Variants in PACSIN1 observed in about 807,000 individuals in gnomAD.
PACSIN1 encodes the protein protein kinase C and casein kinase substrate in neurons 1.
A neutral mutation model predicts 59.5 loss-of-function variants in PACSIN1; 15 were observed. The observed-to-expected ratio is 0.25, with a 90% CI of 0.17 to 0.39. PACSIN1 has a LOEUF of 0.39. Ranked by LOEUF, PACSIN1 falls within the 10% of genes least tolerant of loss-of-function variation. The pLI is 1.00. For synonymous variants in PACSIN1, 210 were observed against 220.6 expected (o/e 0.95, Z 0.42); for missense variants, 420 against 580.2 (o/e 0.72, Z 2.84).
At chr6:34,526,544 C>T (rs1346144031) in intron 2 of PACSIN1, among the ~76,000 whole-genome samples, 176 bp downstream of exon 2, 2 of 152,244 alleles carry the variant, frequency 1.3e-5, no homozygotes, top group African/African-American at 2.4e-5. Flanking sequence ...GAGCACTGCC[C>T]ACTGAGCCAG....
At chr6:34,475,436 G>C (rs971437759) in intron 1 of PACSIN1, among the ~76,000 whole-genome samples, 2 of 152,232 alleles carry the variant, frequency 1.3e-5, no homozygotes, top group Non-Finnish European at 2.9e-5. Flanking sequence ...TTTATTGCAG[G>C]CATGCTCATA....
rs1767329111 is a variant in PACSIN1, at chr6:34,518,320, G to T, written c.-63-7923G>T. Reference sequence around the variant, plus strand: ...CAGCCTGGCCCCTGCTCTCCAGGTGGCCACAGAGGCAGTGGGCTCAGGACA... The same window carrying T: ...CAGCCTGGCCCCTGCTCTCCAGGTGTCCACAGAGGCAGTGGGCTCAGGACA... On this transcript the variant is annotated intron_variant, in intron 1 of 9. Transcript: ENST00000244458. This position sits in a 1 kb window ranked among gnomAD's most constrained non-coding sequence, Gnocchi z 4.4. 6.6e-6 allele frequency among the ~76,000 whole-genome samples: 1 copy of T among 152,240 alleles called. No homozygotes were observed. The highest frequency in any genetic ancestry group is 1.5e-5 in the Non-Finnish European group (1 of 68,034).
intron 1 of PACSIN1, among the ~76,000 whole-genome samples, chr6:34,467,712 C>T (rs1197592923): frequency 6.6e-6 from 1 of 152,112 alleles, no homozygotes; most frequent in African/African-American, 2.4e-5. Flanking sequence ...GCATGCACCA[C>T]CACACCCGGC....
intron 1 of PACSIN1, among the ~76,000 whole-genome samples, chr6:34,479,611 T>A (rs1766687305): frequency 6.6e-6 from 1 of 151,764 alleles, no homozygotes; most frequent in Non-Finnish European, 1.5e-5. Context: ...ATCTTTTAAA[T>A]TTATTTTTAT....
At chr6:34,486,419 AG>A (rs1311924208) in intron 1 of PACSIN1, among the ~76,000 whole-genome samples, 1 of 152,154 alleles carries the variant, frequency 6.6e-6, no homozygotes, top group Non-Finnish European at 1.5e-5. Flanking sequence ...GTTGCCAGCT[AG>A]GGCAGGACTG....
rs1342746942 is a variant in PACSIN1 at position 34,530,935 on chromosome 6, C to T, written c.1037+348C>T. Among the ~76,000 whole-genome samples the T allele has an allele frequency of 1.3e-5, 2 of 152,286 alleles. No homozygotes were observed. Among genetic ancestry groups the T allele is most frequent in the South Asian group, 4.1e-4 (2 of 4,824 alleles). On this transcript the variant is annotated intron_variant, in intron 8 of 9. Coordinates refer to ENST00000244458, the MANE Select transcript of PACSIN1 (RefSeq NM_020804.5). This position sits in a 1 kb window ranked among gnomAD's most constrained non-coding sequence, Gnocchi z 4.4. ...TTGCGCTCCTATGAGAATCTAACGC[C>T]GCGGCTGATCTAACAGGAGGTGCAG...
intron 1 of PACSIN1, among the ~76,000 whole-genome samples, chr6:34,508,139 T>A (rs190734885): frequency 6.7e-6 from 1 of 149,998 alleles, no homozygotes; most frequent in Non-Finnish European, 1.5e-5. Flanking sequence ...GTTTCGCTCT[T>A]GTTGCCCCAG....
rs12055693 is a variant in PACSIN1, at chr6:34,530,858, C to T, written c.1037+271C>T. ...TCAGATCATCAGGCGTTAGATTCTC[C>T]TAAGGAACGTGCAACCTGGATCCCT... On this transcript the variant is annotated intron_variant, in intron 8 of 9. Coordinates refer to ENST00000244458, the MANE Select transcript of PACSIN1 (RefSeq NM_020804.5). The surrounding 1 kb of genome is among the most constrained non-coding windows in gnomAD (Gnocchi z 4.4). 6.6e-6 allele frequency among the ~76,000 whole-genome samples: 1 copy of T among 152,206 alleles called. No homozygotes were observed. Among genetic ancestry groups the T allele is most frequent in the Admixed American group, 6.5e-5 (1 of 15,290 alleles).
At chr6:34,498,250 C>T (rs942680290) in intron 1 of PACSIN1, among the ~76,000 whole-genome samples, 1 of 151,896 alleles carries the variant, frequency 6.6e-6, no homozygotes, top group Non-Finnish European at 1.5e-5. Flanking sequence ...TTAGTAGAAA[C>T]GGAGTTTCAC....
intron 1 of PACSIN1, among the ~76,000 whole-genome samples, chr6:34,526,042 G>A (rs1434693259): frequency 1.3e-5 from 2 of 152,074 alleles, no homozygotes; most frequent in Admixed American, 6.5e-5. Flanking sequence ...GGAAGGAGGA[G>A]GGATGGGGAG....
In PACSIN1 at chr6:34,529,284, A is replaced by T. The variant is rs970739292; in HGVS notation, c.457-113A>T. The T allele has an allele frequency of 4.9e-5, 57 of 1,154,564 alleles. 1 individual carries two copies. In the South Asian group the frequency reaches 8.0e-4, roughly 16 times the overall value. The allele number at this position is 1,154,564 out of a possible 1,614,324, so 71.5% of individuals were successfully genotyped here. A position where few individuals can be genotyped will look rare whatever the true frequency, so the allele number is the denominator to read the frequency against. On this transcript the variant is annotated intron_variant, in intron 4 of 9. Transcript: ENST00000244458. This position sits in a 1 kb window ranked among gnomAD's most constrained non-coding sequence, Gnocchi z 6.3. ...AGGGCCTGCATCCCTTCTGGCTCTT[A>T]AGAGTGTGGGCTCACAGGTCCCAGG...
chr6:34,502,620 G>A (rs983623183), intron 1 of PACSIN1, among the ~76,000 whole-genome samples: 3 of 151,710 alleles, frequency 2.0e-5, no homozygotes, highest in African/African-American at 7.3e-5. Context: ...CGCCCACCAT[G>A]ACACCCCGCT....
rs1766824348 is a variant in PACSIN1 at position 34,488,304 on chromosome 6, C to T, written c.-64+22034C>T. On this transcript the variant is annotated intron_variant, in intron 1 of 9. Transcript: ENST00000244458. This position sits in a 1 kb window ranked among gnomAD's most constrained non-coding sequence, Gnocchi z 4.7. ...GCCAAGGCTATTATTCTTCCCTGCC[C>T]CTTGCCATACAAACAGTGTGAGGCT... Among the ~76,000 whole-genome samples, 1 of 152,188 alleles carries T rather than the reference C, an allele frequency of 6.6e-6. No homozygotes were observed.
At chr6:34,499,288 C>T (rs115036049) in intron 1 of PACSIN1, among the ~76,000 whole-genome samples, 1,802 of 151,642 alleles carry the variant, frequency 0.012, 15 homozygotes, top group Middle Eastern at 0.021. Flanking sequence ...AGAGCTTAGG[C>T]GGTAATGTGA....
chr6:34,520,541 C>T (rs1469038101), intron 1 of PACSIN1, among the ~76,000 whole-genome samples: 1 of 152,218 alleles, frequency 6.6e-6, no homozygotes, highest in Non-Finnish European at 1.5e-5. Flanking sequence ...AGTTATCTAA[C>T]TTCTCTGAGT....
chr6:34,515,531 C>G lies in PACSIN1; in HGVS notation c.-63-10712C>G, dbSNP rs1767276995. ...ACTCTCCTCCCACCCCCGATGACAC[C>G]AGAGCCTCCCTGCTGGCCCTGGATG... is the stretch of plus-strand genomic sequence containing the variant. On this transcript the variant is annotated intron_variant, in intron 1 of 9. Transcript: ENST00000244458. This position sits in a 1 kb window ranked among gnomAD's most constrained non-coding sequence, Gnocchi z 4.4. 6.6e-6 allele frequency among the ~76,000 whole-genome samples: 1 copy of G among 152,168 alleles called. No homozygotes were observed. Among genetic ancestry groups the G allele is most frequent in the African/African-American group, 2.4e-5 (1 of 41,442 alleles).
At position 34,529,830 on chromosome 6, in the gene PACSIN1, T is replaced by C; in HGVS notation, c.777T>C (p.Ala259=). Residue 259 remains alanine, a synonymous_variant, in exon 6 of 10, where the codon GCT becomes GCC. Coordinates refer to ENST00000244458, the MANE Select transcript of PACSIN1 (RefSeq NM_020804.5). The surrounding 1 kb of genome is among the most constrained non-coding windows in gnomAD (Gnocchi z 6.3). ...LLDIKRHLNL[A]ENSSYIHVYR... is the part of the protein sequence containing the mutation. The stretch of plus-strand genomic sequence containing the variant: ...ACATCAAACGGCACCTCAACCTGGC[T>C]GAGAACAGCAGGTACCTGGGCATGG... 1 of 1,613,472 alleles carries C rather than the reference T, an allele frequency of 6.2e-7. No individual in the cohort carries two copies. The highest frequency in any genetic ancestry group is 8.5e-7 in the Non-Finnish European group (1 of 1,179,780).
chr6:34,474,589 A>G (rs764259184), intron 1 of PACSIN1, among the ~76,000 whole-genome samples: 8 of 152,056 alleles, frequency 5.3e-5, no homozygotes, highest in Non-Finnish European at 1.2e-4. Context: ...CAGGGGTTTC[A>G]GACCAGCCTG....
At position 34,521,230 on chromosome 6, in the gene PACSIN1, C is replaced by T. The variant is rs1022738042; in HGVS notation, c.-63-5013C>T. Reference sequence around the variant, plus strand: ...GTGACGAGGGCTGTGAAGAATAATACGGAGAGGACAGGGAGGAGGTGGGGG... The same window carrying T: ...GTGACGAGGGCTGTGAAGAATAATATGGAGAGGACAGGGAGGAGGTGGGGG... On this transcript the variant is annotated intron_variant, in intron 1 of 9. Transcript: ENST00000244458. This position sits in a 1 kb window ranked among gnomAD's most constrained non-coding sequence, Gnocchi z 4.3. 3.9e-5 allele frequency among the ~76,000 whole-genome samples: 6 copies of T among 152,126 alleles called. No individual in the cohort carries two copies. Among genetic ancestry groups the T allele is most frequent in the African/African-American group, 4.8e-5 (2 of 41,422 alleles).
Sources: gnomAD v4.1 joint callset for allele counts (sites outside exome capture counted in the v4.1 genomes callset) on GRCh38, gnomAD v4.1.1 for gene constraint, Gnocchi (gnomAD v3.1) non-coding constraint, MANE v1.5 for transcripts, NCBI Gene and HGNC (gene_info 2026-07-23, HGNC 2026-07-21) for gene names.